Variants in SLC2A9 observed in about 807,000 individuals in gnomAD.
SLC2A9 encodes solute carrier family 2 member 9.
A neutral mutation model predicts 50.6 loss-of-function variants in SLC2A9; 39 were observed. The observed-to-expected ratio is 0.77, with a 90% CI of 0.60 to 1.01. SLC2A9 has a LOEUF of 1.01. Ranked by LOEUF, SLC2A9 falls within the 50% of genes least tolerant of loss-of-function variation. SLC2A9 has a pLI of 0.00. For synonymous variants in SLC2A9, 324 were observed against 276.9 expected, an observed-to-expected ratio of 1.17 and a Z score of -1.69; for missense variants, 686 against 677.6, an observed-to-expected ratio of 1.01 and a Z score of -0.14.
chr4:9,958,196 A>T (rs1560386277), intron 5 of SLC2A9, among the ~76,000 whole-genome samples: 3 of 152,266 alleles, frequency 2.0e-5, no homozygotes, highest in Admixed American at 6.5e-5. Context: ...GGGTATAAGT[A>T]TAGAATAAAG....
intron 2 of SLC2A9, among the ~76,000 whole-genome samples, chr4:10,004,028 C>G (rs555777425): frequency 1.3e-5 from 2 of 152,302 alleles, no homozygotes; most frequent in African/African-American, 4.8e-5. Context: ...GGACTCAGCC[C>G]CAGTGAGCAG....
chr4:9,948,002 C>G (rs1749506776), intron 5 of SLC2A9, among the ~76,000 whole-genome samples: 1 of 152,124 alleles, frequency 6.6e-6, no homozygotes, highest in South Asian at 2.1e-4. Flanking sequence ...CCATGTCCAT[C>G]ACCTCGCCAT....
At chr4:9,801,979 G>T (rs1721469813) in intron 3 of SLC2A9, among the ~76,000 whole-genome samples, 1 of 152,172 alleles carries the variant, frequency 6.6e-6, no homozygotes, top group South Asian at 2.1e-4. Context: ...CCAGCTGATT[G>T]ATTGGGCAGC....
At chr4:9,860,777 A>G (rs1731489243) in intron 10 of SLC2A9, among the ~76,000 whole-genome samples, 1 of 152,198 alleles carries the variant, frequency 6.6e-6, no homozygotes, top group Admixed American at 6.5e-5. Flanking sequence ...CCCTGATCAG[A>G]TATCACAACC....
chr4:9,863,163 T>C (rs1731925693), intron 10 of SLC2A9, among the ~76,000 whole-genome samples: 1 of 151,956 alleles, frequency 6.6e-6, no homozygotes, highest in South Asian at 2.1e-4. Context: ...TTTTTTTGTT[T>C]TGAGACAGGG....
intron 11 of SLC2A9, among the ~76,000 whole-genome samples, chr4:9,828,983 C>A (rs1270911385): frequency 6.6e-6 from 1 of 152,178 alleles, no homozygotes; most frequent in African/African-American, 2.4e-5. Context: ...GTATCCCAGG[C>A]CACAAACAGG....
rs1029781611 is a variant in SLC2A9 at position 9,980,796 on chromosome 4, T to A, written c.536-59A>T. ...GTGTCTTCCCGGGGGAGCTGCACTCTGGTTACAATGCCTCTCTTGGCTCTG... is the reference window on the plus strand; with the variant it reads ...GTGTCTTCCCGGGGGAGCTGCACTCAGGTTACAATGCCTCTCTTGGCTCTG... On this transcript the variant is annotated intron_variant, in intron 4 of 11. Coordinates refer to ENST00000264784, the MANE Select transcript of SLC2A9 (RefSeq NM_020041.3). 5 of 1,608,996 alleles carry A rather than the reference T, an allele frequency of 3.1e-6. 1 individual carries two copies. The East Asian group carries it at 8.9e-5, about 29-fold the overall frequency.
chr4:9,806,642 A>T lies in SLC2A9; in HGVS notation n.421-7401T>A, dbSNP rs140219589. Among the ~76,000 whole-genome samples, 499 of 152,242 alleles carry T rather than the reference A, an allele frequency of 3.3e-3. 4 individuals carry two copies. The highest frequency in any genetic ancestry group is 0.011 in the African/African-American group (472 of 41,546). On this transcript the variant is annotated intron_variant and non_coding_transcript_variant, in intron 3 of 3. Transcript: ENST00000503280. ...CCACTCAAGAGGGCACTGGAGAAGG[A>T]GCCCTCCCCTTGGAATAAAGGCTGT...
At chr4:9,950,913 A>G (rs1750128069) in intron 5 of SLC2A9, among the ~76,000 whole-genome samples, 1 of 29,176 alleles carries the variant, frequency 3.4e-5, no homozygotes, top group Non-Finnish European at 5.5e-5. Flanking sequence ...AAAAAAAAAA[A>G]AAAAAAGAAA....
chr4:9,923,972 A>C (rs1251074782), intron 6 of SLC2A9: 2 of 152,076 alleles, frequency 1.3e-5, no homozygotes, highest in East Asian at 3.9e-4. Context: ...CTGGACGACA[A>C]GGGAGGAGCA....
At chr4:9,809,694 C>T (rs962889430) in intron 3 of SLC2A9, among the ~76,000 whole-genome samples, 1 of 152,142 alleles carries the variant, frequency 6.6e-6, no homozygotes, top group Non-Finnish European at 1.5e-5. Context: ...GAGACCAATA[C>T]CTGCACTGGC....
chr4:9,863,015 G>T (rs996539763), intron 10 of SLC2A9, among the ~76,000 whole-genome samples: 1 of 152,026 alleles, frequency 6.6e-6, no homozygotes, highest in Non-Finnish European at 1.5e-5. Flanking sequence ...GCCCCGCCCA[G>T]GGAGGCCAAC....
chr4:9,877,303 C>G (rs570506775), intron 10 of SLC2A9, among the ~76,000 whole-genome samples: 43 of 152,302 alleles, frequency 2.8e-4, no homozygotes, highest in African/African-American at 9.9e-4. Context: ...GCAGGGAGAC[C>G]TTGCTGTCTG....
At chr4:9,904,108 T>C (rs1386832176) in intron 8 of SLC2A9, among the ~76,000 whole-genome samples, 2 of 152,078 alleles carry the variant, frequency 1.3e-5, no homozygotes, top group Non-Finnish European at 2.9e-5. Context: ...ACACTTTGGA[T>C]TTTGTTTCCA....
chr4:9,868,552 A>G (rs1732880018), intron 10 of SLC2A9, among the ~76,000 whole-genome samples: 1 of 152,184 alleles, frequency 6.6e-6, no homozygotes, highest in Non-Finnish European at 1.5e-5. Context: ...AAAATGGCAT[A>G]AACTAAACAA....
At chr4:9,790,981 C>T (rs1313869814) in intron 3 of SLC2A9, among the ~76,000 whole-genome samples, 1 of 152,180 alleles carries the variant, frequency 6.6e-6, no homozygotes. Flanking sequence ...AGATATTCTA[C>T]CACATAAAAT....
At chr4:9,800,130 A>G (rs1366430134) in intron 3 of SLC2A9, among the ~76,000 whole-genome samples, 1 of 152,166 alleles carries the variant, frequency 6.6e-6, no homozygotes, top group Non-Finnish European at 1.5e-5. Flanking sequence ...CTCCCAGGAA[A>G]GGGCCTGCCT....
intron 2 of SLC2A9, among the ~76,000 whole-genome samples, chr4:9,998,332 AG>A (rs1759112672): frequency 7.7e-6 from 1 of 130,010 alleles, no homozygotes; most frequent in Non-Finnish European, 1.6e-5. Context: ...CTCAAATCCC[AG>A]CACAACTTGG....
At chr4:9,858,411 G>A (rs1420006592) in intron 10 of SLC2A9, among the ~76,000 whole-genome samples, 1 of 152,182 alleles carries the variant, frequency 6.6e-6, no homozygotes, top group African/African-American at 2.4e-5. Flanking sequence ...AGGCTGCTAT[G>A]GTGGAAAGGG....
Sources: gnomAD v4.1 joint callset for allele counts (sites outside exome capture counted in the v4.1 genomes callset) on GRCh38, gnomAD v4.1.1 for gene constraint, MANE v1.5 for transcripts, NCBI Gene and HGNC (gene_info 2026-07-23, HGNC 2026-07-21) for gene names.